Variants in CRTC2 observed in about 807,000 individuals in gnomAD.
CRTC2 encodes the protein CREB-regulated transcription coactivator 2.
A neutral mutation model predicts 70.9 loss-of-function variants in CRTC2; 25 were observed. The ratio of observed to expected loss-of-function variants is 0.35; its 90% CI spans 0.26 to 0.49. CRTC2 has a LOEUF of 0.49. Ranked by LOEUF, CRTC2 falls within the 20% of genes least tolerant of loss-of-function variation. The pLI, the probability that CRTC2 is intolerant of heterozygous loss-of-function variation, is 0.98. For synonymous variants in CRTC2, 330 were observed against 364.1 expected (o/e 0.91, Z 1.07); for missense variants, 737 against 882.6 (o/e 0.83, Z 2.09).
intron 4 of CRTC2, 98 bp from the exon 5 acceptor site, chr1:153,953,704 A>T (rs1680478039): frequency 2.7e-6 from 2 of 738,890 alleles, no homozygotes; most frequent in Non-Finnish European, 4.5e-6. Context: ...GGTGGAAGTA[A>T]AGATGGCTGA....
chr1:153,958,359 T>C lies in CRTC2; in HGVS notation c.139A>G (p.Ile47Val). The C allele has an allele frequency of 6.2e-7, 1 of 1,612,652 alleles. No individual in the cohort carries two copies. Among genetic ancestry groups the C allele is most frequent in the Non-Finnish European group, 8.5e-7 (1 of 1,179,520 alleles). The change falls in exon 1 of 14, where the codon ATC becomes GTC. Residue 47 changes from isoleucine (I) to valine (V), a missense_variant. Around this residue, in one of 3 missense-constraint regions of CRTC2, gnomAD observed 699 missense variants for 823.7 expected, o/e 0.85. Transcript: ENST00000368633. Reference sequence around the variant, plus strand: ...CGGCCCCTCACCCGGGTGGAGCCGATGTCCATCATCACCTCCTCGAAGGCC... The same window carrying C: ...CGGCCCCTCACCCGGGTGGAGCCGACGTCCATCATCACCTCCTCGAAGGCC... ...TAAFEEVMMD[I>V]GSTRLQAQKL... is the part of the protein sequence containing the mutation.
chr1:153,951,480 G>A lies in CRTC2; in HGVS notation c.1184C>T (p.Pro395Leu), dbSNP rs758557646. Residue 395 changes from proline (P) to leucine (L), a missense_variant, in exon 11 of 14, where the codon CCG (proline) becomes CTG (leucine). Pro to Leu is a moderately conservative substitution (Grantham distance 98). Around this residue, in one of 3 missense-constraint regions of CRTC2, gnomAD observed 699 missense variants for 823.7 expected, o/e 0.85. Transcript: ENST00000368633. ...TSLGHPSLSA[P>L]ALSSSSSSSS... is the part of the protein sequence containing the mutation. ...GGAGGAAGAGGAGGAGGAGAGAGCC[G>A]GAGCACTGAGTGAGGGGTGGCCCAG... 2.1e-5 allele frequency: 33 copies of A among 1,599,802 alleles called. No individual in the cohort carries two copies. Among genetic ancestry groups the A allele is most frequent in the Middle Eastern group, 1.7e-4 (1 of 5,966 alleles).
rs765601808 is a variant in CRTC2 at position 153,957,951 on chromosome 1, G to T, written c.153+394C>A. The T allele has an allele frequency of 3.5e-5, 30 of 850,234 alleles. No homozygotes were observed. In the South Asian group the frequency reaches 7.9e-4, roughly 22 times the overall value. The allele number at this position is 850,234 out of a possible 1,614,324, so 52.7% of individuals were successfully genotyped here. A position where few individuals can be genotyped will look rare whatever the true frequency, so the allele number is the denominator to read the frequency against. ...TTTGGAGGAGATCACAAACTCAGAG[G>T]AGCCAGGTTACAGACAAGCAGCCCT... On this transcript the variant is annotated intron_variant, in intron 1 of 13. Coordinates refer to ENST00000368633, the MANE Select transcript of CRTC2 (RefSeq NM_181715.3).
intron 10 of CRTC2, 57 bp from the exon 11 acceptor site, chr1:153,951,723 C>G (rs560773350): frequency 6.3e-7 from 1 of 1,578,986 alleles, no homozygotes; most frequent in African/African-American, 1.4e-5. Context: ...AACTGAGCCC[C>G]TTTCCACCCA....
chr1:153,951,808 C>T, intron 10 of CRTC2, 142 bp from the exon 11 acceptor site: 1 of 1,053,172 alleles, frequency 9.5e-7, no homozygotes, highest in South Asian at 1.6e-5. Context: ...CAGCACTGCC[C>T]ATCTGGGGAC....
chr1:153,952,184 G>A lies in CRTC2; in HGVS notation c.831C>T (p.Asp277=). The A allele has an allele frequency of 6.2e-7, 1 of 1,613,882 alleles. No homozygotes were observed. The highest frequency in any genetic ancestry group is 2.2e-5 in the East Asian group (1 of 44,886). Residue 277 remains aspartate, a synonymous_variant, in exon 10 of 14, where the codon GAC becomes GAT. Transcript: ENST00000368633. ...PAMNTGGSLP[D]LTNLHFPPPL... ...GTGGGGGAAAGTGCAGGTTGGTGAGGTCAGGTAGGGAGCCCCCCGTGTTCA... is the reference window on the plus strand; with the variant it reads ...GTGGGGGAAAGTGCAGGTTGGTGAGATCAGGTAGGGAGCCCCCCGTGTTCA...
At chr1:153,948,802 C>G in intron 12 of CRTC2, 158 bp from the exon 13 acceptor site, 1 of 863,002 alleles carries the variant, frequency 1.2e-6, no homozygotes, top group Non-Finnish European at 1.9e-6. Flanking sequence ...CAGAAGCGAG[C>G]ACGGGGCCCG....
At chr1:153,955,364 G>A (rs937319119) in intron 1 of CRTC2, among the ~76,000 whole-genome samples, 198 bp from the exon 2 acceptor site, 4 of 151,530 alleles carry the variant, frequency 2.6e-5, no homozygotes, top group Non-Finnish European at 5.9e-5. Context: ...TCAGGAGATC[G>A]ACACCATCCT....
At chr1:153,953,652 C>A in intron 4 of CRTC2, 46 bp from the exon 5 acceptor site, 1 of 1,440,172 alleles carries the variant, frequency 6.9e-7, no homozygotes, top group Non-Finnish European at 9.7e-7. Context: ...TGGCAGTGGA[C>A]AAGAAGGTGG....
intron 1 of CRTC2, among the ~76,000 whole-genome samples, chr1:153,956,332 A>C (rs555057854): frequency 6.6e-6 from 1 of 152,334 alleles, no homozygotes; most frequent in East Asian, 1.9e-4. Flanking sequence ...CACTTTGGGG[A>C]GCTATGTCTG....
chr1:153,958,122 C>T (rs1680732900), intron 1 of CRTC2: 1 of 1,400,110 alleles, frequency 7.1e-7, no homozygotes, highest in South Asian at 1.5e-5. Context: ...GTACTCGGCC[C>T]CCAGTCGCCT....
chr1:153,953,610 G>T lies in CRTC2; in HGVS notation c.435-4C>A. 6.2e-7 allele frequency: 1 copy of T among 1,605,888 alleles called. No homozygotes were observed. The highest frequency in any genetic ancestry group is 8.5e-7 in the Non-Finnish European group (1 of 1,176,760). On this transcript the variant is annotated splice_region_variant and splice_polypyrimidine_tract_variant and intron_variant, in intron 4 of 13. Transcript: ENST00000368633. The stretch of plus-strand genomic sequence containing the variant: ...GAAATTGCCCCAGGCCATCGTCCTG[G>T]GGTAGAAAAACAAAGTCATGAGGAG...
intron 3 of CRTC2, 151 bp from the exon 4 acceptor site, chr1:153,954,467 A>G: frequency 1.5e-6 from 1 of 667,214 alleles, no homozygotes; most frequent in Non-Finnish European, 2.7e-6. Flanking sequence ...AAAGAATGGA[A>G]GAGAAAAAGG....
In CRTC2 at chr1:153,953,546, T is replaced by A; in HGVS notation, c.495A>T (p.Ala165=). Residue 165 remains alanine, a synonymous_variant, in exon 5 of 14, where the codon GCA becomes GCT. Transcript: ENST00000368633. The stretch of plus-strand genomic sequence containing the variant: ...AAGGCAAAAGCCATCACCTGTTAAG[T>A]GCAGATGGTAGTCGAAACAACTGCC... ...EKGQLFRLPS[A]LNRTSSDSAL... is the part of the protein sequence containing the mutation. 1.2e-6 allele frequency: 2 copies of A among 1,611,384 alleles called. No homozygotes were observed. The highest frequency in any genetic ancestry group is 1.7e-6 in the Non-Finnish European group (2 of 1,179,328).
chr1:153,949,363 T>C lies in CRTC2; in HGVS notation c.1426A>G (p.Lys476Glu). The C allele has an allele frequency of 6.2e-7, 1 of 1,612,124 alleles. No individual in the cohort carries two copies. ...GGTAACCGCTGGTCAGTGGACAGTT[T>C]ACTGGTATCCAGGGGGACGCCCTGA... ...ITQGVPLDTS[K>E]LSTDQRLPPY... The change falls in exon 12 of 14, where the codon AAA (lysine) becomes GAA (glutamate). Residue 476 changes from lysine to glutamate, a missense_variant. Lys to Glu is a moderately conservative substitution (Grantham distance 56). Around this residue, in one of 3 missense-constraint regions of CRTC2, gnomAD observed 699 missense variants for 823.7 expected, o/e 0.85. Transcript: ENST00000368633.
Position 153,948,080 on chromosome 1 carries a change from C to A in CRTC2, c.*29G>T. The A allele has an allele frequency of 6.2e-7, 1 of 1,606,302 alleles. No homozygotes were observed. Among genetic ancestry groups the A allele is most frequent in the Non-Finnish European group, 8.5e-7 (1 of 1,173,546 alleles). Reference sequence around the variant, plus strand: ...AAAGGAATGGTGGTGGGGGATGGGGCCAAGAAGAGGGATGGTGATGAGGTG... The same window carrying A: ...AAAGGAATGGTGGTGGGGGATGGGGACAAGAAGAGGGATGGTGATGAGGTG... On this transcript the variant is annotated 3_prime_UTR_variant, in exon 14 of 14. Transcript: ENST00000368633.
chr1:153,948,012 G>A lies in CRTC2; in HGVS notation c.*97C>T, dbSNP rs1413944437. 2 of 1,166,342 alleles carry A rather than the reference G, an allele frequency of 1.7e-6. No homozygotes were observed. The highest frequency in any genetic ancestry group is 2.5e-6 in the Non-Finnish European group (2 of 795,246). The allele number at this position is 1,166,342 out of a possible 1,614,324, so 72.2% of individuals were successfully genotyped here. On this transcript the variant is annotated 3_prime_UTR_variant, in exon 14 of 14. Transcript: ENST00000368633. ...TTCATTCATGCTAGAAAGAGGATCT[G>A]GGGACAGAGAGTAGAGTCTCTACCT...
chr1:153,955,696 T>A (rs200096845), intron 1 of CRTC2, among the ~76,000 whole-genome samples: 1 of 142,970 alleles, frequency 7.0e-6, no homozygotes, highest in Non-Finnish European at 1.5e-5. Flanking sequence ...AAAAAAAAGT[T>A]AAAAAAAAAA....
chr1:153,953,855 G>C (rs1680484413), intron 4 of CRTC2, among the ~76,000 whole-genome samples: 1 of 152,180 alleles, frequency 6.6e-6, no homozygotes, highest in Non-Finnish European at 1.5e-5. Context: ...GCATTCCTGG[G>C]TATGAGCATT....
Sources: allele counts gnomAD v4.1 joint callset (sites outside exome capture counted in the v4.1 genomes callset), GRCh38; gene constraint gnomAD v4.1.1; regional missense constraint gnomAD v4.1.1; transcripts MANE v1.5; gene names NCBI Gene and HGNC (gene_info 2026-07-23, HGNC 2026-07-21).